The following CTIF variants were observed in gnomAD, a reference collection of about 807,000 sequenced individuals.
CTIF encodes CBP80/20-dependent translation initiation factor.
A neutral mutation model predicts 66.0 loss-of-function variants in CTIF; 21 were observed. The observed-to-expected ratio is 0.32, with a 90% confidence interval of 0.23 to 0.46. The LOEUF (loss-of-function observed/expected upper bound fraction) is 0.46. CTIF is among the 20% of genes least tolerant of loss of function. The pLI, the probability that CTIF is intolerant of heterozygous loss-of-function variation, is 1.00. For missense variants in CTIF, 739 were observed against 812.7 expected (o/e 0.91, Z 1.10); for synonymous variants, 345 against 326.4 (o/e 1.06, Z -0.62).
At chr18:48,825,397 CAG>C (rs2068563547) in intron 10 of CTIF, among the ~76,000 whole-genome samples, 1 of 152,318 alleles carries the variant, frequency 6.6e-6, no homozygotes, top group South Asian at 2.1e-4. Flanking sequence ...GAGGAGAACA[CAG>C]AGGCCAGCAA....
intron 1 of CTIF, among the ~76,000 whole-genome samples, chr18:48,584,957 T>G (rs2089734988): frequency 6.6e-6 from 1 of 152,140 alleles, no homozygotes; most frequent in Non-Finnish European, 1.5e-5. Context: ...CAAGTAAAGG[T>G]GATTTCCATT....
At chr18:48,570,451 G>A (rs896537864) in intron 1 of CTIF, among the ~76,000 whole-genome samples, 3 of 152,222 alleles carry the variant, frequency 2.0e-5, no homozygotes, top group African/African-American at 7.2e-5. Flanking sequence ...CCTCTGGTCA[G>A]AGAGAGCCTT....
intron 2 of CTIF, among the ~76,000 whole-genome samples, chr18:48,631,742 G>A (rs901355413): frequency 4.6e-5 from 7 of 152,068 alleles, no homozygotes; most frequent in East Asian, 1.9e-4. Flanking sequence ...GATGCTCATC[G>A]TTCCCATATC....
intron 9 of CTIF, among the ~76,000 whole-genome samples, chr18:48,784,996 G>C (rs1911575523): frequency 6.6e-6 from 1 of 152,250 alleles, no homozygotes; most frequent in South Asian, 2.1e-4. Flanking sequence ...CCTCAGCCTT[G>C]CTGCATGCGT....
intron 6 of CTIF, among the ~76,000 whole-genome samples, chr18:48,672,727 A>C (rs1183674365): frequency 6.6e-6 from 1 of 152,214 alleles, no homozygotes; most frequent in African/African-American, 2.4e-5. Flanking sequence ...CCCCAGAAGA[A>C]GAGGGGCATA....
intron 10 of CTIF, among the ~76,000 whole-genome samples, chr18:48,818,099 C>T (rs1157821466): frequency 2.0e-5 from 3 of 152,358 alleles, no homozygotes; most frequent in South Asian, 4.1e-4. Context: ...GACCAAGGAA[C>T]TTTTGAGAAG....
At chr18:48,541,526 G>A (rs1365479427) in intron 1 of CTIF, among the ~76,000 whole-genome samples, 2 of 152,226 alleles carry the variant, frequency 1.3e-5, no homozygotes, top group African/African-American at 4.8e-5. Context: ...TAGCAGGCTC[G>A]GGCTGCGCGA....
chr18:48,747,941 T>A (rs4939808), intron 7 of CTIF, among the ~76,000 whole-genome samples: 40,496 of 147,224 alleles, frequency 0.28, 6,096 homozygotes, highest in African/African-American at 0.4. Context: ...TAATAATAAT[T>A]ATTATTATTA....
At chr18:48,615,662 C>G (rs2090385805) in intron 1 of CTIF, among the ~76,000 whole-genome samples, 1 of 152,194 alleles carries the variant, frequency 6.6e-6, no homozygotes, top group African/African-American at 2.4e-5. Flanking sequence ...GTATTTGTCC[C>G]ATTGAGGGCA....
chr18:48,775,245 C>A (rs191574144), intron 9 of CTIF, among the ~76,000 whole-genome samples: 1 of 152,382 alleles, frequency 6.6e-6, no homozygotes, highest in East Asian at 1.9e-4. Context: ...CTGCCTACTG[C>A]ACTGACATTA....
At chr18:48,811,609 T>A (rs774485288) in intron 9 of CTIF, among the ~76,000 whole-genome samples, 6 of 151,252 alleles carry the variant, frequency 4.0e-5, no homozygotes, top group Non-Finnish European at 8.8e-5. Context: ...CTGTCGTTTC[T>A]GTTTATGGGT....
intron 1 of CTIF, among the ~76,000 whole-genome samples, chr18:48,586,538 T>C (rs952464980): frequency 2.6e-5 from 4 of 152,216 alleles, no homozygotes; most frequent in Non-Finnish European, 4.4e-5. Context: ...CCCAAAGTGC[T>C]GGGATTATAG....
Position 48,541,961 on chromosome 18 carries a change from G to A in CTIF, c.-29+2649G>A, listed in dbSNP as rs569728353. Among the ~76,000 whole-genome samples, 508 of 152,134 alleles carry A rather than the reference G, an allele frequency of 3.3e-3. 1 individual carries two copies. The highest frequency in any genetic ancestry group is 0.011 in the African/African-American group (451 of 41,458). On this transcript the variant is annotated intron_variant, in intron 1 of 11. Transcript: ENST00000256413. ...AAATGTGGCTTGCATAAGGCCTCTG[G>A]GTGGGGGAAGGGCCACATTCCCCCT...
At chr18:48,771,559 CACCCAGG>C (rs1367631865) in intron 9 of CTIF, among the ~76,000 whole-genome samples, 1 of 152,234 alleles carries the variant, frequency 6.6e-6, no homozygotes, top group Non-Finnish European at 1.5e-5. Context: ...CCTCACCCCC[CACCCAGG>C]GTTCATTTTC....
At chr18:48,785,369 A>G (rs560311857) in intron 9 of CTIF, among the ~76,000 whole-genome samples, 33 of 152,358 alleles carry the variant, frequency 2.2e-4, no homozygotes, top group African/African-American at 6.3e-4. Context: ...TTCACAAAAT[A>G]GGCTAGATGG....
intron 9 of CTIF, among the ~76,000 whole-genome samples, chr18:48,786,481 C>T (rs1349658499): frequency 6.6e-6 from 1 of 152,230 alleles, no homozygotes; most frequent in Non-Finnish European, 1.5e-5. Context: ...GTTTCTTCAT[C>T]TGCATGATGG....
intron 6 of CTIF, among the ~76,000 whole-genome samples, chr18:48,694,352 G>A (rs895667028): frequency 6.6e-6 from 1 of 152,236 alleles, no homozygotes; most frequent in Non-Finnish European, 1.5e-5. Context: ...GAGCAGGGAG[G>A]GGATGAGAGC....
At chr18:48,682,534 A>C (rs2091764892) in intron 6 of CTIF, among the ~76,000 whole-genome samples, 1 of 152,346 alleles carries the variant, frequency 6.6e-6, no homozygotes, top group African/African-American at 2.4e-5. Context: ...CTTACGACCT[A>C]CTTGCAGGCC....
intron 10 of CTIF, among the ~76,000 whole-genome samples, chr18:48,828,260 A>G (rs1021363866): frequency 6.6e-6 from 1 of 152,238 alleles, no homozygotes; most frequent in Non-Finnish European, 1.5e-5. Context: ...ACCAATCTCA[A>G]CATGGCTCAG....
Sources: gnomAD v4.1 joint callset for allele counts (sites outside exome capture counted in the v4.1 genomes callset) on GRCh38, gnomAD v4.1.1 for gene constraint, MANE v1.5 for transcripts, NCBI Gene and HGNC (gene_info 2026-07-23, HGNC 2026-07-21) for gene names.